The following ITGA8 variants were observed in gnomAD, a reference collection of about 807,000 sequenced individuals.
ITGA8 encodes the protein integrin subunit alpha 8.
A neutral mutation model predicts 142.3 loss-of-function variants in ITGA8; 91 were observed. The observed-to-expected ratio is 0.64, with a 90% CI of 0.54 to 0.76. ITGA8 has a LOEUF of 0.76. ITGA8 is among the 30% of genes least tolerant of loss of function. ITGA8 has a pLI of 0.00. For synonymous variants in ITGA8, 505 were observed against 485.2 expected, an observed-to-expected ratio of 1.04 and a Z score of -0.54; for missense variants, 1,406 against 1,327.7, an observed-to-expected ratio of 1.06 and a Z score of -0.92.
chr10:15,640,614 A>C (rs2131642588), intron 13 of ITGA8, among the ~76,000 whole-genome samples: 1 of 152,336 alleles, frequency 6.6e-6, no homozygotes, highest in Admixed American at 6.5e-5. Context: ...GTTACTTCCC[A>C]GGCAAAACAT....
chr10:15,556,018 CT>C (rs869241754), intron 26 of ITGA8, among the ~76,000 whole-genome samples: 207 of 53,610 alleles, frequency 3.9e-3, no homozygotes, highest in African/African-American at 0.017. Context: ...CTCTCTCTCT[CT>C]TTTTTTTTTT....
chr10:15,556,680 C>T (rs917585585), intron 26 of ITGA8, among the ~76,000 whole-genome samples: 2 of 152,180 alleles, frequency 1.3e-5, no homozygotes, highest in Admixed American at 1.3e-4. Context: ...ACCAGCACCT[C>T]AAGCATTCAT....
At chr10:15,620,711 TTG>T (rs1486663244) in intron 13 of ITGA8, among the ~76,000 whole-genome samples, 1 of 152,224 alleles carries the variant, frequency 6.6e-6, no homozygotes, top group Non-Finnish European at 1.5e-5. Flanking sequence ...ATTTGCTGGT[TTG>T]TGTTTTGAAT....
rs752347018 is a variant in ITGA8 at position 15,531,107 on chromosome 10, T to C, written c.2925A>G (p.Glu975=). 128 of 1,580,016 alleles carry C rather than the reference T, an allele frequency of 8.1e-5. 1 individual carries two copies. The South Asian group carries it at 1.5e-3, about 19-fold the overall frequency. Residue 975 remains glutamate, a synonymous_variant, in exon 28 of 30, where the codon GAA becomes GAG. Transcript: ENST00000378076. The part of the protein sequence containing the change: ...PYALASLVSF[E]VKKMPYTDQP... ...GATCTGTATAAGGCATCTTCTTAAC[T>C]TCAAAGGACACCAGGGATGCAAGAG...
intron 15 of ITGA8, among the ~76,000 whole-genome samples, chr10:15,612,528 C>A (rs2131615486): frequency 6.6e-6 from 1 of 152,334 alleles, no homozygotes; most frequent in Non-Finnish European, 1.5e-5. Context: ...ACTTCTAACT[C>A]TTGAGGACCT....
intron 13 of ITGA8, among the ~76,000 whole-genome samples, chr10:15,622,320 A>T (rs1833504529): frequency 1.3e-5 from 2 of 151,892 alleles, no homozygotes; most frequent in African/African-American, 4.8e-5. Context: ...AGATACACTG[A>T]TGTTTATATC....
intron 2 of ITGA8, among the ~76,000 whole-genome samples, chr10:15,715,835 C>T (rs560528923): frequency 2.0e-5 from 3 of 152,368 alleles, no homozygotes; most frequent in African/African-American, 7.2e-5. Context: ...CAAGTAGCTG[C>T]CACTGCCAGT....
intron 13 of ITGA8, 74 bp downstream of exon 13, chr10:15,643,956 A>C: frequency 7.4e-7 from 1 of 1,356,204 alleles, no homozygotes; most frequent in Admixed American, 2.2e-5. Context: ...CTGCCTTTGC[A>C]TGATGCATTT....
intron 24 of ITGA8, among the ~76,000 whole-genome samples, chr10:15,573,480 T>C (rs1317497720): frequency 2.6e-5 from 4 of 152,088 alleles, no homozygotes; most frequent in Non-Finnish European, 5.9e-5. Flanking sequence ...TGTTATCCTT[T>C]TGCTATCAAA....
intron 11 of ITGA8, among the ~76,000 whole-genome samples, chr10:15,652,733 A>G (rs1011860380): frequency 1.3e-5 from 2 of 152,234 alleles, no homozygotes; most frequent in African/African-American, 2.4e-5. Flanking sequence ...ACATTCAACT[A>G]TAACTTCGAA....
chr10:15,699,256 C>G (rs113479736), intron 2 of ITGA8, among the ~76,000 whole-genome samples: 73 of 152,226 alleles, frequency 4.8e-4, no homozygotes, highest in Non-Finnish European at 8.7e-4. Flanking sequence ...TGTACTCTAG[C>G]CTGGGAGACA....
chr10:15,599,164 A>C (rs1235092681), intron 20 of ITGA8, among the ~76,000 whole-genome samples: 1 of 152,014 alleles, frequency 6.6e-6, no homozygotes, highest in Non-Finnish European at 1.5e-5. Context: ...TAGTTCTTTG[A>C]CATCACTCAA....
intron 23 of ITGA8, 101 bp from the exon 24 acceptor site, chr10:15,575,695 A>G: frequency 1.1e-6 from 1 of 889,026 alleles, no homozygotes; most frequent in Non-Finnish European, 1.8e-6. Flanking sequence ...AGTGGTTTTC[A>G]ATTTATTTGA....
chr10:15,705,438 A>G (rs1835240457), intron 2 of ITGA8, among the ~76,000 whole-genome samples: 1 of 152,140 alleles, frequency 6.6e-6, no homozygotes, highest in Non-Finnish European at 1.5e-5. Context: ...CCCTCCTGCC[A>G]CTGCAGATGA....
chr10:15,621,475 G>A (rs1446277512), intron 13 of ITGA8, among the ~76,000 whole-genome samples: 3 of 152,076 alleles, frequency 2.0e-5, no homozygotes, highest in Non-Finnish European at 4.4e-5. Flanking sequence ...TTTAAATGAG[G>A]AAGAAAAGCC....
intron 26 of ITGA8, among the ~76,000 whole-genome samples, chr10:15,552,708 C>T (rs757374100): frequency 1.3e-5 from 2 of 152,288 alleles, no homozygotes; most frequent in African/African-American, 4.8e-5. Context: ...GGGCAGGCCC[C>T]GGTGTGTGAT....
In ITGA8 at chr10:15,678,728, A is replaced by G. The variant is rs1004806355; in HGVS notation, c.624T>C (p.Phe208=). The change falls in exon 5 of 30, where the codon TTT becomes TTC. Residue 208 remains phenylalanine (F), a synonymous_variant. Coordinates refer to ENST00000378076, the MANE Select transcript of ITGA8 (RefSeq NM_003638.3). ...CGAGACCAAAATAATTCACCTTATA[A>G]AAATCCAGACTAAATCCTGCTTGGC... ...GYCQAGFSLD[F]YKNGDLIVGG... 29 of 1,609,704 alleles carry G rather than the reference A, an allele frequency of 1.8e-5. No homozygotes were observed. Among genetic ancestry groups the G allele is most frequent in the Non-Finnish European group, 2.5e-5 (29 of 1,176,186 alleles).
chr10:15,526,435 C>T (rs969441126), intron 28 of ITGA8, among the ~76,000 whole-genome samples: 1 of 152,144 alleles, frequency 6.6e-6, no homozygotes, highest in African/African-American at 2.4e-5. Context: ...CTCGGCCTCC[C>T]AAAGTGCTGG....
At chr10:15,658,498 G>A (rs561492262) in intron 10 of ITGA8, among the ~76,000 whole-genome samples, 3 of 151,090 alleles carry the variant, frequency 2.0e-5, no homozygotes, top group South Asian at 4.2e-4. Context: ...AGAGACTGTG[G>A]CCTTCACTCT....
Sources: gnomAD v4.1 joint callset for allele counts (sites outside exome capture counted in the v4.1 genomes callset) on GRCh38, gnomAD v4.1.1 for gene constraint, MANE v1.5 for transcripts, NCBI Gene and HGNC (gene_info 2026-07-23, HGNC 2026-07-21) for gene names.